CCDC77: variants seen among roughly 807,000 people sequenced by gnomAD.
CCDC77 encodes the protein coiled-coil domain containing 77, also known as coiled-coil domain-containing protein 77.
In CCDC77, 56 loss-of-function variants were observed where a neutral mutation model predicts 66.8. The observed-to-expected ratio is 0.84, with a 90% CI of 0.68 to 1.05. The LOEUF (loss-of-function observed/expected upper bound fraction) is 1.05. Ranked by LOEUF, CCDC77 falls within the 50% of genes least tolerant of loss-of-function variation. The probability of loss-of-function intolerance (pLI) is 0.00; values close to 1 mark genes in which losing one functional copy is unlikely to be tolerated. For synonymous variants in CCDC77, 196 were observed against 195.2 expected (o/e 1.00, Z -0.03); for missense variants, 570 against 576.8 (o/e 0.99, Z 0.12).
At chr12:419,472 C>G in intron 5 of CCDC77, among the ~76,000 whole-genome samples, 1 of 138,208 alleles carries the variant, frequency 7.2e-6, no homozygotes, top group African/African-American at 3.1e-5. Context: ...ATACACATAG[C>G]AGCACACTCC....
chr12:432,958 G>A (rs569941224), intron 8 of CCDC77, among the ~76,000 whole-genome samples: 1 of 152,310 alleles, frequency 6.6e-6, no homozygotes, highest in South Asian at 2.1e-4. Context: ...CTTGAGCCCA[G>A]GGGGTTGAGG....
intron 1 of CCDC77, among the ~76,000 whole-genome samples, chr12:393,026 C>G (rs927287135): frequency 3.0e-5 from 4 of 131,836 alleles, no homozygotes; most frequent in African/African-American, 1.1e-4. Context: ...TTCTCCAACC[C>G]GTTACAATAT....
intron 5 of CCDC77, among the ~76,000 whole-genome samples, chr12:424,994 G>A (rs12308942): frequency 0.029 from 4,347 of 149,142 alleles, 215 homozygotes; most frequent in African/African-American, 0.099. Flanking sequence ...GTAGTGGCAC[G>A]ATCTCGGCTC....
intron 10 of CCDC77, among the ~76,000 whole-genome samples, chr12:439,499 G>A (rs1378336289): frequency 6.1e-5 from 9 of 146,480 alleles, no homozygotes; most frequent in South Asian, 2.2e-4. Context: ...CAGCCTGGGC[G>A]ACAGAGTGGG....
chr12:416,723 A>G (rs1378222732), intron 4 of CCDC77, among the ~76,000 whole-genome samples: 6 of 151,772 alleles, frequency 4.0e-5, no homozygotes. Flanking sequence ...TTTTCATTTT[A>G]CAAAACCAAA....
upstream of CCDC77, among the ~76,000 whole-genome samples, chr12:401,179 C>G (rs190348640): frequency 6.6e-6 from 1 of 152,336 alleles, no homozygotes; most frequent in African/African-American, 2.4e-5. Context: ...ACATAGTCCC[C>G]TGACCGTAGA....
intron 8 of CCDC77, 23 bp downstream of exon 8, chr12:431,977 C>T: frequency 6.7e-7 from 1 of 1,487,194 alleles, no homozygotes; most frequent in Non-Finnish European, 9.3e-7. Context: ...TTTTGGCAGA[C>T]CAAGATGGCT....
intron 4 of CCDC77, among the ~76,000 whole-genome samples, chr12:415,698 T>C (rs1343362268): frequency 6.6e-6 from 1 of 152,020 alleles, no homozygotes; most frequent in Non-Finnish European, 1.5e-5. Context: ...AGTGGTGCGA[T>C]CATAGCTCAC....
intron 5 of CCDC77, among the ~76,000 whole-genome samples, chr12:428,028 G>T (rs1027685082): frequency 1.3e-5 from 2 of 152,116 alleles, no homozygotes; most frequent in East Asian, 3.8e-4. Context: ...TCATTGACCA[G>T]GCACTGGATA....
At chr12:417,948 G>A (rs903731013) in intron 4 of CCDC77, among the ~76,000 whole-genome samples, 2 of 152,008 alleles carry the variant, frequency 1.3e-5, no homozygotes, top group East Asian at 3.9e-4. Flanking sequence ...CAGCATTCTG[G>A]ATTCTATAGT....
intron 7 of CCDC77, among the ~76,000 whole-genome samples, chr12:430,937 G>C (rs188044822): frequency 6.6e-6 from 1 of 151,868 alleles, no homozygotes; most frequent in Non-Finnish European, 1.5e-5. Context: ...AAAACTAGCC[G>C]GGTGTGGTGG....
Sources: allele counts gnomAD v4.1 joint callset (sites outside exome capture counted in the v4.1 genomes callset), GRCh38; gene constraint gnomAD v4.1.1; transcripts MANE v1.5; gene names NCBI Gene and HGNC (gene_info 2026-07-23, HGNC 2026-07-21).